PDE8A: variants seen among roughly 807,000 people sequenced by gnomAD.
PDE8A encodes high affinity cAMP-specific and IBMX-insensitive 3',5'-cyclic phosphodiesterase 8A.
Under a neutral mutation model 105.0 loss-of-function variants are expected in PDE8A, and 59 were observed. That is an observed-to-expected ratio of 0.56 (90% CI 0.46 to 0.70). The LOEUF is 0.70. Ranked by LOEUF, PDE8A falls within the 30% of genes least tolerant of loss-of-function variation. The pLI is 0.00. For synonymous variants in PDE8A, 355 were observed against 371.9 expected (o/e 0.95, Z 0.52); for missense variants, 1,014 against 1,045.9 (o/e 0.97, Z 0.42).
chr15:85,100,090 G>T, intron 10 of PDE8A, 24 bp downstream of exon 10: 1 of 1,613,308 alleles, frequency 6.2e-7, no homozygotes, highest in African/African-American at 1.3e-5. Context: ...GCCCCCCGGG[G>T]CCCCAGGAAC....
chr15:85,132,862 T>G (rs749292294), intron 20 of PDE8A, among the ~76,000 whole-genome samples: 80 of 149,220 alleles, frequency 5.4e-4, no homozygotes, highest in Non-Finnish European at 9.7e-4. Context: ...GTGTGTGTGT[T>G]TTTAGGTCTT....
At chr15:85,081,961 C>G (rs1265456107) in intron 5 of PDE8A, among the ~76,000 whole-genome samples, 4 of 152,130 alleles carry the variant, frequency 2.6e-5, no homozygotes, top group Non-Finnish European at 5.9e-5. Flanking sequence ...CCTCACATCC[C>G]CTCCACAGCC....
intron 1 of PDE8A, among the ~76,000 whole-genome samples, chr15:85,047,814 TTTATC>T (rs2080910801): frequency 6.6e-6 from 1 of 152,188 alleles, no homozygotes; most frequent in Non-Finnish European, 1.5e-5. Flanking sequence ...TATCCAGACT[TTTATC>T]TTTTCCCTCA....
At chr15:84,980,712 G>C (rs948380723), upstream of PDE8A, 10 of 152,334 alleles carry the variant, frequency 6.6e-5, no homozygotes, top group Admixed American at 1.3e-4. Context: ...AGTTCACACA[G>C]CAAGCTAGTG....
chr15:85,078,287 A>G (rs562178975), intron 5 of PDE8A, among the ~76,000 whole-genome samples: 1 of 152,258 alleles, frequency 6.6e-6, no homozygotes, highest in Admixed American at 6.5e-5. Context: ...TCAATGCAAT[A>G]AAAGAAAATA....
intron 1 of PDE8A, among the ~76,000 whole-genome samples, chr15:85,055,545 ATCCCTTTACCATTATGTAATGGCT>A (rs938694168): frequency 2.0e-5 from 3 of 152,148 alleles, no homozygotes; most frequent in Non-Finnish European, 4.4e-5. Flanking sequence ...TGTTGAATTG[ATCCCTTTACCATTATGTAATGGCT>A]TTCTTGGTCT....
intron 1 of PDE8A, among the ~76,000 whole-genome samples, chr15:84,996,000 G>A (rs545366529): frequency 8.5e-5 from 13 of 152,074 alleles, no homozygotes; most frequent in Non-Finnish European, 1.9e-4. Flanking sequence ...ACATTTGAAT[G>A]TCCTCTTCTG....
At chr15:85,063,386 A>G (rs1393366706) in intron 1 of PDE8A, 1 of 152,172 alleles carries the variant, frequency 6.6e-6, no homozygotes, top group Admixed American at 6.5e-5. Context: ...TTGGGATCTC[A>G]TCAACACCTA....
chr15:85,022,834 T>C (rs549425448), intron 1 of PDE8A, among the ~76,000 whole-genome samples: 7 of 152,272 alleles, frequency 4.6e-5, no homozygotes, highest in African/African-American at 1.7e-4. Flanking sequence ...ATTACAGGCG[T>C]GAGCCACCGG....
intron 1 of PDE8A, among the ~76,000 whole-genome samples, chr15:85,009,930 C>CT (rs1025249877): frequency 6.6e-6 from 1 of 152,182 alleles, no homozygotes; most frequent in African/African-American, 2.4e-5. Context: ...TAATGAAACA[C>CT]TTTATAGCAA....
chr15:85,013,141 AG>A (rs2080268673), intron 1 of PDE8A, among the ~76,000 whole-genome samples: 1 of 152,236 alleles, frequency 6.6e-6, no homozygotes, highest in Non-Finnish European at 1.5e-5. Context: ...GAACAGGGGA[AG>A]CAGAGAGATG....
chr15:85,129,236 T>C (rs1264746523), intron 20 of PDE8A, among the ~76,000 whole-genome samples: 1 of 152,244 alleles, frequency 6.6e-6, no homozygotes, highest in Non-Finnish European at 1.5e-5. Flanking sequence ...TTTGTCTGGC[T>C]TTATTAGGAT....
In PDE8A at chr15:85,083,601, C is replaced by T. The variant is rs1254177718; in HGVS notation, c.592C>T (p.Leu198Phe). ...PNIMACYNELLQLEFGEVRSQ... is the reference protein window; with the variant it reads ...PNIMACYNELFQLEFGEVRSQ... ...CATCATGGCCTGCTACAATGAACTG[C>T]TCCAGCTGGAGTTTGGAGAGGTGCG... The change falls in exon 6 of 22, where the codon CTC (leucine) becomes TTC (phenylalanine). Residue 198 changes from leucine (L) to phenylalanine (F), a missense_variant. Coordinates refer to ENST00000394553, the MANE Select transcript of PDE8A (RefSeq NM_002605.3). The T allele has an allele frequency of 6.2e-7, 1 of 1,613,632 alleles. No homozygotes were observed. Among genetic ancestry groups the T allele is most frequent in the Non-Finnish European group, 8.5e-7 (1 of 1,179,554 alleles).
chr15:84,993,956 T>A (rs2079933906), intron 1 of PDE8A, among the ~76,000 whole-genome samples: 1 of 152,182 alleles, frequency 6.6e-6, no homozygotes, highest in Non-Finnish European at 1.5e-5. Context: ...CATTTAACTA[T>A]TATTTATTTA....
chr15:85,114,875 A>T (rs1189456346), intron 14 of PDE8A, among the ~76,000 whole-genome samples: 1 of 152,126 alleles, frequency 6.6e-6, no homozygotes, highest in African/African-American at 2.4e-5. Context: ...AGCAGATGAG[A>T]ATAGCCACAG....
At chr15:85,009,079 G>A (rs1015788028) in intron 1 of PDE8A, among the ~76,000 whole-genome samples, 1 of 149,526 alleles carries the variant, frequency 6.7e-6, no homozygotes, top group Non-Finnish European at 1.5e-5. Flanking sequence ...ACTTCCTGGT[G>A]TGTTAGTGTG....
intron 20 of PDE8A, among the ~76,000 whole-genome samples, chr15:85,134,308 G>C (rs1470178198): frequency 3.3e-5 from 5 of 152,332 alleles, no homozygotes; most frequent in African/African-American, 1.2e-4. Context: ...AGCTGGCTTA[G>C]GGTCTAGCGT....
At chr15:85,060,719 AC>A (rs771126581) in intron 1 of PDE8A, among the ~76,000 whole-genome samples, 21 of 152,196 alleles carry the variant, frequency 1.4e-4, no homozygotes, top group Non-Finnish European at 2.4e-4. Flanking sequence ...AAATGTAGTT[AC>A]CCACAAAAGT....
At chr15:85,075,100 C>A (rs1019374993) in intron 3 of PDE8A, among the ~76,000 whole-genome samples, 5 of 152,196 alleles carry the variant, frequency 3.3e-5, no homozygotes, top group African/African-American at 1.2e-4. Flanking sequence ...TGGAGCACTT[C>A]TTTTCTTTCT....
Sources: gnomAD v4.1 joint callset for allele counts (sites outside exome capture counted in the v4.1 genomes callset) on GRCh38, gnomAD v4.1.1 for gene constraint, MANE v1.5 for transcripts, NCBI Gene and HGNC (gene_info 2026-07-23, HGNC 2026-07-21) for gene names.